The following CEP128 variants were observed in gnomAD, a reference collection of about 807,000 sequenced individuals.
The protein encoded by CEP128 is centrosomal protein 128.
CEP128 carries 132 observed loss-of-function variants against 156.7 expected under a neutral mutation model. The ratio of observed to expected loss-of-function variants is 0.84; its 90% CI spans 0.73 to 0.97. The LOEUF is 0.97. Among genes scored for constraint, CEP128 ranks in the 50% least tolerant of loss-of-function variants. The pLI, the probability that CEP128 is intolerant of heterozygous loss-of-function variation, is 0.00. For missense variants in CEP128, 1,252 were observed against 1,281.9 expected (o/e 0.98, Z 0.36); for synonymous variants, 469 against 448.9 (o/e 1.04, Z -0.57).
intron 19 of CEP128, among the ~76,000 whole-genome samples, chr14:80,680,624 T>G (rs1331432053): frequency 6.6e-6 from 1 of 152,132 alleles, no homozygotes; most frequent in Non-Finnish European, 1.5e-5. Context: ...AATTGTGGTA[T>G]AGTAGGACCC....
intron 2 of CEP128, among the ~76,000 whole-genome samples, chr14:80,957,214 C>G (rs1886741226): frequency 6.6e-6 from 1 of 152,174 alleles, no homozygotes; most frequent in African/African-American, 2.4e-5. Context: ...ACTCCCAGAT[C>G]CAGATCCTGG....
At chr14:80,552,315 A>G (rs1031709331) in intron 21 of CEP128, among the ~76,000 whole-genome samples, 2 of 151,918 alleles carry the variant, frequency 1.3e-5, no homozygotes, top group African/African-American at 2.4e-5. Flanking sequence ...ATCTCAAAAA[A>G]AAAAAACACA....
intron 9 of CEP128, among the ~76,000 whole-genome samples, chr14:80,853,556 A>T (rs1887001595): frequency 6.6e-6 from 1 of 151,898 alleles, no homozygotes; most frequent in African/African-American, 2.4e-5. Flanking sequence ...GAAAAACCAT[A>T]AGGTACCTAA....
chr14:80,847,464 A>C (rs1301961083), intron 9 of CEP128, among the ~76,000 whole-genome samples: 1 of 152,198 alleles, frequency 6.6e-6, no homozygotes, highest in Non-Finnish European at 1.5e-5. Flanking sequence ...AATATAAAGA[A>C]GAAAATAATT....
intron 19 of CEP128, among the ~76,000 whole-genome samples, chr14:80,706,440 T>G (rs375172762): frequency 6.6e-6 from 1 of 151,078 alleles, no homozygotes; most frequent in East Asian, 1.9e-4. Flanking sequence ...TGTGTGTGTA[T>G]GTGTGTGTGT....
chr14:80,638,120 T>G (rs1894263638), intron 19 of CEP128, among the ~76,000 whole-genome samples: 1 of 152,250 alleles, frequency 6.6e-6, no homozygotes, highest in Non-Finnish European at 1.5e-5. Flanking sequence ...CACTCTCCTT[T>G]GGATTTCTAA....
chr14:80,876,382 G>A (rs1888283363), intron 8 of CEP128, among the ~76,000 whole-genome samples: 2 of 152,116 alleles, frequency 1.3e-5, no homozygotes, highest in Admixed American at 1.3e-4. Context: ...TGGATCACAA[G>A]GTCAGGAGAT....
chr14:80,871,302 C>G lies in CEP128; in HGVS notation c.646-8429G>C, dbSNP rs191747104. Among the ~76,000 whole-genome samples, 13 of 152,168 alleles carry G rather than the reference C, an allele frequency of 8.5e-5. No homozygotes were observed. In the South Asian group the frequency reaches 1.7e-3, roughly 19 times the overall value. The stretch of plus-strand genomic sequence containing the variant: ...AAAGGCAGGTATGGGAGCAGAGGGA[C>G]CAACTTCATTGGATGCCACTGCAGT... On this transcript the variant is annotated intron_variant, in intron 8 of 24. Transcript: ENST00000555265.
At chr14:80,914,947 T>C (rs924738674) in intron 3 of CEP128, among the ~76,000 whole-genome samples, 1 of 152,186 alleles carries the variant, frequency 6.6e-6, no homozygotes, top group Non-Finnish European at 1.5e-5. Flanking sequence ...CTTTCAAAAA[T>C]ATATACTTAT....
intron 13 of CEP128, among the ~76,000 whole-genome samples, chr14:80,823,907 A>G (rs754401737): frequency 1.3e-5 from 2 of 152,190 alleles, no homozygotes; most frequent in South Asian, 2.1e-4. Context: ...CCAACCCCAC[A>G]TTTCCCTTCC....
chr14:80,492,681 T>C (rs149996466), downstream of CEP128, among the ~76,000 whole-genome samples: 1,069 of 152,284 alleles, frequency 7.0e-3, 20 homozygotes, highest in African/African-American at 0.024. Context: ...GAATGCTTGG[T>C]GGCTTCAAAT....
intron 19 of CEP128, among the ~76,000 whole-genome samples, chr14:80,698,608 C>A (rs1351611876): frequency 6.6e-6 from 1 of 152,130 alleles, no homozygotes; most frequent in African/African-American, 2.4e-5. Flanking sequence ...TAATCACTGA[C>A]TTCTTCATTC....
At chr14:80,712,148 T>A (rs182947226) in intron 19 of CEP128, among the ~76,000 whole-genome samples, 1 of 152,170 alleles carries the variant, frequency 6.6e-6, no homozygotes, top group Admixed American at 6.5e-5. Flanking sequence ...ATATGAACAC[T>A]AATGTTCGGA....
chr14:80,518,005 C>T (rs1888569632), intron 23 of CEP128, among the ~76,000 whole-genome samples: 1 of 151,590 alleles, frequency 6.6e-6, no homozygotes. Flanking sequence ...GGACGGTGAG[C>T]GAAAGCTCAG....
chr14:80,772,842 C>T (rs1261702917), intron 16 of CEP128, among the ~76,000 whole-genome samples: 1 of 152,180 alleles, frequency 6.6e-6, no homozygotes, highest in Non-Finnish European at 1.5e-5. Context: ...AGCTTTGTCT[C>T]AGTAGTCCAG....
chr14:80,692,613 AT>A (rs1164015927), intron 19 of CEP128, among the ~76,000 whole-genome samples: 1 of 152,188 alleles, frequency 6.6e-6, no homozygotes, highest in African/African-American at 2.4e-5. Flanking sequence ...ATTCTTGACT[AT>A]TTTAAGCAGA....
chr14:80,893,000 A>G (rs547674843), intron 8 of CEP128, among the ~76,000 whole-genome samples: 1 of 152,106 alleles, frequency 6.6e-6, no homozygotes, highest in African/African-American at 2.4e-5. Flanking sequence ...AAATAAAATC[A>G]TCACCTTGTA....
At chr14:80,857,596 C>T (rs1249310570) in intron 9 of CEP128, among the ~76,000 whole-genome samples, 1 of 151,648 alleles carries the variant, frequency 6.6e-6, no homozygotes, top group African/African-American at 2.4e-5. Flanking sequence ...AAAAAATCAG[C>T]TGGGCATGGT....
chr14:80,818,806 C>T (rs186162125), intron 13 of CEP128, among the ~76,000 whole-genome samples: 33 of 152,272 alleles, frequency 2.2e-4, no homozygotes, highest in Non-Finnish European at 1.2e-4. Context: ...AACTACAAAA[C>T]CACTCTTTCA....
Sources: allele counts gnomAD v4.1 joint callset (sites outside exome capture counted in the v4.1 genomes callset), GRCh38; gene constraint gnomAD v4.1.1; transcripts MANE v1.5; gene names NCBI Gene and HGNC (gene_info 2026-07-23, HGNC 2026-07-21).